The following PPP2R2B variants were observed in gnomAD, a reference collection of about 807,000 sequenced individuals.
PPP2R2B encodes the protein serine/threonine-protein phosphatase 2A 55 kDa regulatory subunit B beta isoform.
Under a neutral mutation model 46.0 loss-of-function variants are expected in PPP2R2B, and 5 were observed. The ratio of observed to expected loss-of-function variants is 0.11; its 90% CI spans 0.06 to 0.23. The LOEUF (loss-of-function observed/expected upper bound fraction) is 0.23. PPP2R2B is among the 10% of genes least tolerant of loss of function. The pLI, the probability that PPP2R2B is intolerant of heterozygous loss-of-function variation, is 1.00. For missense variants in PPP2R2B, 367 were observed against 575.0 expected (o/e 0.64, Z 3.70); for synonymous variants, 215 against 206.7 (o/e 1.04, Z -0.34).
chr5:146,716,203 G>A (rs1211272209), intron 2 of PPP2R2B, among the ~76,000 whole-genome samples: 1 of 152,120 alleles, frequency 6.6e-6, no homozygotes, highest in Non-Finnish European at 1.5e-5. Flanking sequence ...TTCAAGGCCA[G>A]CTCAAATGTC....
chr5:146,760,526 G>A (rs1754096484), intron 2 of PPP2R2B, among the ~76,000 whole-genome samples: 1 of 152,130 alleles, frequency 6.6e-6, no homozygotes, highest in African/African-American at 2.4e-5. Context: ...GAAGATGTGA[G>A]GTGATAAGAC....
intron 1 of PPP2R2B, among the ~76,000 whole-genome samples, chr5:146,918,912 C>A (rs899396550): frequency 1.3e-5 from 2 of 152,290 alleles, no homozygotes; most frequent in South Asian, 2.1e-4. Flanking sequence ...TAAATTGCAC[C>A]TTTTCTGCTA....
chr5:146,710,955 C>G (rs1372694588), intron 2 of PPP2R2B, among the ~76,000 whole-genome samples: 1 of 152,158 alleles, frequency 6.6e-6, no homozygotes, highest in Non-Finnish European at 1.5e-5. Flanking sequence ...GCTAAAATTC[C>G]CCATATTTTG....
Position 146,586,319 on chromosome 5 carries a change from C to T in PPP2R2B, c.*3628G>A, listed in dbSNP as rs1261944483. On this transcript the variant is annotated 3_prime_UTR_variant, in exon 10 of 10. Transcript: ENST00000394411. ...AGGGTTCCACCATTCAGGCTGTGGA[C>T]TATAGTGTCATCCCTAAATCCTCAT... is the stretch of plus-strand genomic sequence containing the variant. The T allele has an allele frequency of 5.9e-5, 9 of 152,300 alleles. No homozygotes were observed. The East Asian group carries it at 1.7e-3, about 29-fold the overall frequency. 9.4% of individuals were successfully genotyped at this position (152,300 alleles called of 1,614,324 possible). A position where few individuals can be genotyped will look rare whatever the true frequency, so the allele number is the denominator to read the frequency against.
rs188282368 is a variant in PPP2R2B, at chr5:146,937,806, C to T, written c.79+117859G>A. Among the ~76,000 whole-genome samples the T allele has an allele frequency of 3.3e-5, 5 of 152,264 alleles. No individual in the cohort carries two copies. The East Asian group carries it at 9.7e-4, about 29-fold the overall frequency. Reference sequence around the variant, plus strand: ...TGATCTGAAATTTATGTCTGTTTGGCTTCTGTATGTACAATGTTTTTATTT... The same window carrying T: ...TGATCTGAAATTTATGTCTGTTTGGTTTCTGTATGTACAATGTTTTTATTT... On this transcript the variant is annotated intron_variant, in intron 1 of 8. Coordinates refer to the PPP2R2B transcript ENST00000336640.
At chr5:146,708,150 G>T (rs1779983376) in intron 2 of PPP2R2B, among the ~76,000 whole-genome samples, 1 of 152,026 alleles carries the variant, frequency 6.6e-6, no homozygotes, top group African/African-American at 2.4e-5. Context: ...GAGCTCAGGA[G>T]TTCGAGACCA....
chr5:146,685,800 T>C lies in PPP2R2B; in HGVS notation c.447+5328A>G, dbSNP rs553572097. Among the ~76,000 whole-genome samples the C allele has an allele frequency of 1.3e-3, 191 of 152,286 alleles. 2 individuals carry two copies. The highest frequency in any genetic ancestry group is 2.4e-3 in the Non-Finnish European group (164 of 68,026). ...GAAACAGCCATTGTGTAAAATATGA[T>C]GTCATTTGATCTTTCCTTTAAAAAT... is the stretch of plus-strand genomic sequence containing the variant. On this transcript the variant is annotated intron_variant, in intron 5 of 9. Coordinates refer to ENST00000394411, the MANE Select transcript of PPP2R2B (RefSeq NM_181675.4).
intron 1 of PPP2R2B, among the ~76,000 whole-genome samples, chr5:146,982,438 G>T (rs989888353): frequency 6.6e-6 from 1 of 152,106 alleles, no homozygotes; most frequent in Non-Finnish European, 1.5e-5. Context: ...TTTAAAATTA[G>T]ATGACGTTTG....
chr5:146,764,878 C>A (rs1017345026), intron 2 of PPP2R2B, among the ~76,000 whole-genome samples: 1 of 151,998 alleles, frequency 6.6e-6, no homozygotes, highest in Admixed American at 6.6e-5. Flanking sequence ...CCATCTAAAC[C>A]ATCCTAGTGG....
At chr5:146,785,489 A>G (rs529475698) in intron 2 of PPP2R2B, among the ~76,000 whole-genome samples, 1 of 152,288 alleles carries the variant, frequency 6.6e-6, no homozygotes, top group East Asian at 1.9e-4. Flanking sequence ...TGGAGGCTAC[A>G]GTGAGCTTTG....
intron 2 of PPP2R2B, among the ~76,000 whole-genome samples, chr5:146,718,572 A>G (rs987208296): frequency 6.6e-6 from 1 of 152,178 alleles, no homozygotes; most frequent in Non-Finnish European, 1.5e-5. Context: ...GCTTCATTCT[A>G]GTTAATAAGG....
intron 1 of PPP2R2B, among the ~76,000 whole-genome samples, chr5:146,931,104 T>C (rs1283343123): frequency 6.6e-6 from 1 of 152,136 alleles, no homozygotes; most frequent in African/African-American, 2.4e-5. Context: ...CTATACTCTA[T>C]ACTTCTATAG....
intron 2 of PPP2R2B, among the ~76,000 whole-genome samples, chr5:146,830,794 C>T (rs1758879920): frequency 6.6e-6 from 1 of 152,110 alleles, no homozygotes; most frequent in Non-Finnish European, 1.5e-5. Flanking sequence ...TTAATATTTA[C>T]CAGTCTCCAA....
chr5:146,905,464 G>A (rs1001269646), intron 1 of PPP2R2B, among the ~76,000 whole-genome samples: 1 of 152,048 alleles, frequency 6.6e-6, no homozygotes, highest in African/African-American at 2.4e-5. Context: ...TGGTGGTCTT[G>A]AACTCCAGGC....
intron 1 of PPP2R2B, among the ~76,000 whole-genome samples, chr5:146,947,347 C>T (rs1259846499): frequency 2.0e-5 from 3 of 152,168 alleles, no homozygotes; most frequent in Non-Finnish European, 2.9e-5. Context: ...GTGGTTTAGA[C>T]ATCTGTGCAG....
intron 2 of PPP2R2B, among the ~76,000 whole-genome samples, chr5:146,813,924 G>A (rs754355095): frequency 6.6e-6 from 1 of 152,162 alleles, no homozygotes; most frequent in Non-Finnish European, 1.5e-5. Flanking sequence ...AGGACAGGAA[G>A]TGGCAAGAAC....
chr5:146,775,783 A>T (rs1395745311), intron 2 of PPP2R2B, among the ~76,000 whole-genome samples: 1 of 152,178 alleles, frequency 6.6e-6, no homozygotes, highest in African/African-American at 2.4e-5. Context: ...AATTCAGCAA[A>T]GTTGCAGAAT....
chr5:146,588,887 A>G lies in PPP2R2B; in HGVS notation c.*1060T>C, dbSNP rs909989056. On this transcript the variant is annotated 3_prime_UTR_variant, in exon 10 of 10. Transcript: ENST00000394411. ...TTTATTGGCTATTTTTGTTCTAGGT[A>G]CAATGGAGGTTGATGGATTGTTACT... 10 of 152,186 alleles carry G rather than the reference A, an allele frequency of 6.6e-5. No individual in the cohort carries two copies. Among genetic ancestry groups the G allele is most frequent in the African/African-American group, 2.4e-4 (10 of 41,438 alleles). The allele number at this position is 152,186 out of a possible 1,614,324, so 9.4% of individuals were successfully genotyped here.
intron 1 of PPP2R2B, among the ~76,000 whole-genome samples, chr5:146,973,033 A>G (rs917700343): frequency 2.6e-5 from 4 of 151,814 alleles, no homozygotes; most frequent in South Asian, 2.1e-4. Flanking sequence ...TTTATTTATC[A>G]CACTTAGAGA....
Sources: allele counts gnomAD v4.1 joint callset (sites outside exome capture counted in the v4.1 genomes callset), GRCh38; gene constraint gnomAD v4.1.1; transcripts MANE v1.5; gene names NCBI Gene and HGNC (gene_info 2026-07-23, HGNC 2026-07-21).